Variants in THAP5 observed in about 807,000 individuals in gnomAD.
THAP5 encodes the protein THAP domain-containing protein 5.
In THAP5, 26 loss-of-function variants were observed where a neutral mutation model predicts 34.0. The ratio of observed to expected loss-of-function variants is 0.77; its 90% confidence interval spans 0.56 to 1.06. The LOEUF (loss-of-function observed/expected upper bound fraction) is 1.06. Ranked by LOEUF, THAP5 falls within the 50% of genes least tolerant of loss-of-function variation. The probability of loss-of-function intolerance (pLI) is 0.00; values close to 1 mark genes in which losing one functional copy is unlikely to be tolerated. For missense variants in THAP5, 394 were observed against 452.8 expected, an observed-to-expected ratio of 0.87 and a Z score of 1.18; for synonymous variants, 125 against 153.0, an observed-to-expected ratio of 0.82 and a Z score of 1.35.
Position 108,563,829 on chromosome 7 carries a change from A to C in THAP5, c.*362T>G, listed in dbSNP as rs1356630726. 2 of 163,448 alleles carry C rather than the reference A, an allele frequency of 1.2e-5. No homozygotes were observed. The highest frequency in any genetic ancestry group is 2.6e-5 in the Non-Finnish European group (2 of 75,656). The allele number at this position is 163,448 out of a possible 1,614,324, so 10.1% of individuals were successfully genotyped here. A position where few individuals can be genotyped will look rare whatever the true frequency, so the allele number is the denominator to read the frequency against. On this transcript the variant is annotated 3_prime_UTR_variant, in exon 3 of 3. Coordinates refer to ENST00000415914, the MANE Select transcript of THAP5 (RefSeq NM_001130475.3). Reference sequence around the variant, plus strand: ...TTTTACAAATTAGGGACTGAGGCACAATCATAAGTAACTTGCCCAAGTCAT... The same window carrying C: ...TTTTACAAATTAGGGACTGAGGCACCATCATAAGTAACTTGCCCAAGTCAT...
chr7:108,550,375 G>A (rs1002743089), downstream of THAP5, among the ~76,000 whole-genome samples: 1 of 152,036 alleles, frequency 6.6e-6, no homozygotes, highest in Non-Finnish European at 1.5e-5. Context: ...TTTGCCCATT[G>A]TTCTCAGGAC....
At chr7:108,555,927 T>A (rs1339406133) in intron 1 of THAP5, among the ~76,000 whole-genome samples, 1 of 152,014 alleles carries the variant, frequency 6.6e-6, no homozygotes, top group Non-Finnish European at 1.5e-5. Context: ...GGTCTCGAAC[T>A]CCTGACCTCA....
chr7:108,563,841 C>A lies in THAP5; in HGVS notation c.*350G>T. On this transcript the variant is annotated 3_prime_UTR_variant, in exon 3 of 3. Transcript: ENST00000415914. ...GGGACTGAGGCACAATCATAAGTAA[C>A]TTGCCCAAGTCATATGCCAGTGGTA... 1 of 167,266 alleles carries A rather than the reference C, an allele frequency of 6.0e-6. No homozygotes were observed. The highest frequency in any genetic ancestry group is 6.1e-5 in the Admixed American group (1 of 16,348). 10.4% of individuals were successfully genotyped at this position (167,266 alleles called of 1,614,324 possible). A position where few individuals can be genotyped will look rare whatever the true frequency, so the allele number is the denominator to read the frequency against.
At chr7:108,560,767 G>GTC (rs908282667), downstream of THAP5, among the ~76,000 whole-genome samples, 3 of 152,154 alleles carry the variant, frequency 2.0e-5, no homozygotes, top group African/African-American at 7.2e-5. Flanking sequence ...TTGTGACAGG[G>GTC]TCTCACTCTG....
chr7:108,567,481 A>G (rs571110151), intron 1 of THAP5, among the ~76,000 whole-genome samples: 29 of 152,328 alleles, frequency 1.9e-4, no homozygotes, highest in African/African-American at 6.3e-4. Flanking sequence ...AACTCATTAA[A>G]AAAAACTTTG....
chr7:108,564,962 A>G lies in THAP5; in HGVS notation c.417T>C (p.His139=). 6.4e-7 allele frequency: 1 copy of G among 1,559,098 alleles called. No homozygotes were observed. Among genetic ancestry groups the G allele is most frequent in the South Asian group, 1.2e-5 (1 of 85,616 alleles). ...NIVNTDVPHQ[H]PELLHSSSLV... is the part of the protein sequence containing the mutation. The stretch of plus-strand genomic sequence containing the variant: ...AGGAAGATGAATGAAGTAATTCTGG[A>G]TGTTGATGGGGCACATCTGTGTTAA... The change falls in exon 3 of 3, where the codon CAT becomes CAC. Residue 139 remains histidine, a synonymous_variant. Coordinates refer to ENST00000415914, the MANE Select transcript of THAP5 (RefSeq NM_001130475.3).
chr7:108,564,637 G>A lies in THAP5; in HGVS notation c.742C>T (p.Gln248Ter), dbSNP rs1790443393. The change falls in exon 3 of 3, where the codon CAG becomes TAG. Residue 248 changes from glutamine (Q) to a stop codon, truncating the protein, a stop_gained. Coordinates refer to ENST00000415914, the MANE Select transcript of THAP5 (RefSeq NM_001130475.3). LOFTEE classifies it high-confidence loss of function. ...GTGCTGAATAAGAATGGATTTTCCT[G>A]TGCTGACTTTATTTCCATGGAATTA... ...TSNSMEIKSA[Q>*]ENPFLFSTIN... is the part of the protein sequence containing the mutation. 1 of 1,613,968 alleles carries A rather than the reference G, an allele frequency of 6.2e-7. No individual in the cohort carries two copies. Among genetic ancestry groups the A allele is most frequent in the African/African-American group, 1.3e-5 (1 of 75,042 alleles).
In THAP5 at chr7:108,564,033, ATAAG is replaced by A. The variant is rs1790418981; in HGVS notation, c.*154_*157del. ...AGCCCAACTCTCTGGTTTTTCTTAAATAAGTATTACAAGAATAGGATACAGTTCA... is the reference window on the plus strand; with the variant it reads ...AGCCCAACTCTCTGGTTTTTCTTAAATATTACAAGAATAGGATACAGTTCA... On this transcript the variant is annotated 3_prime_UTR_variant, in exon 3 of 3. Coordinates refer to ENST00000415914, the MANE Select transcript of THAP5 (RefSeq NM_001130475.3). 3.7e-6 allele frequency: 2 copies of A among 545,686 alleles called. No homozygotes were observed. The highest frequency in any genetic ancestry group is 6.0e-6 in the Non-Finnish European group (2 of 332,346). The allele number at this position is 545,686 out of a possible 1,614,324, so 33.8% of individuals were successfully genotyped here. A position where few individuals can be genotyped will look rare whatever the true frequency, so the allele number is the denominator to read the frequency against.
At position 108,562,386 on chromosome 7, in the gene THAP5, C is replaced by T. The variant is rs551130827; in HGVS notation, c.*1805G>A. The T allele has an allele frequency of 2.0e-5, 3 of 152,304 alleles. No individual in the cohort carries two copies. The highest frequency in any genetic ancestry group is 2.0e-4 in the Admixed American group (3 of 15,304). 9.4% of individuals were successfully genotyped at this position (152,304 alleles called of 1,614,324 possible). A position where few individuals can be genotyped will look rare whatever the true frequency, so the allele number is the denominator to read the frequency against. On this transcript the variant is annotated 3_prime_UTR_variant, in exon 3 of 3. Transcript: ENST00000415914. ...CAAAAATTTTAAGTTTTTCCCCCAT[C>T]GTCACCTAAGACATTTCTAATCTTT... is the stretch of plus-strand genomic sequence containing the variant.
intron 1 of THAP5, among the ~76,000 whole-genome samples, chr7:108,567,176 G>C (rs185826694): frequency 1.3e-5 from 2 of 152,150 alleles, no homozygotes; most frequent in East Asian, 3.9e-4. Context: ...AAAAAAATCA[G>C]ATAAACTACC....
At chr7:108,547,731 T>C in the THAP5 span, among the ~76,000 whole-genome samples, 1 of 152,252 alleles carries the variant, frequency 6.6e-6, no homozygotes, top group African/African-American at 2.4e-5. Context: ...TCCTGATTAA[T>C]TAAAATCACA....
chr7:108,566,541 A>C (rs898685246), intron 1 of THAP5, among the ~76,000 whole-genome samples: 1 of 152,344 alleles, frequency 6.6e-6, no homozygotes. Flanking sequence ...GATTTAGCTG[A>C]AAAAGTACTG....
chr7:108,558,647 C>T (rs973793547), downstream of THAP5, among the ~76,000 whole-genome samples: 6 of 151,690 alleles, frequency 4.0e-5, no homozygotes, highest in African/African-American at 9.7e-5. Context: ...CCGCCAGCCT[C>T]GGCCTCCCAA....
rs1474887157 is a variant in THAP5 at position 108,563,043 on chromosome 7, T to G, written c.*1148A>C. ...ACAAACTGTAATTTCTAAAATATAT[T>G]TAAAATTAACCTCATTAAAATTTTT... On this transcript the variant is annotated 3_prime_UTR_variant, in exon 3 of 3. Coordinates refer to ENST00000415914, the MANE Select transcript of THAP5 (RefSeq NM_001130475.3). The G allele has an allele frequency of 6.6e-6, 1 of 152,230 alleles. No homozygotes were observed. Among genetic ancestry groups the G allele is most frequent in the East Asian group, 1.9e-4 (1 of 5,204 alleles). 9.4% of individuals were successfully genotyped at this position (152,230 alleles called of 1,614,324 possible).
At position 108,564,323 on chromosome 7, in the gene THAP5, C is replaced by T. The variant is rs770399930; in HGVS notation, c.1056G>A (p.Glu352=). ...HSKITLLELK[E]QQTLGRLKSL... Reference sequence around the variant, plus strand: ...ACTTCAATCTACCTAGAGTTTGTTGCTCTTTTAACTCTAGAAGAGTTATCT... The same window carrying T: ...ACTTCAATCTACCTAGAGTTTGTTGTTCTTTTAACTCTAGAAGAGTTATCT... Residue 352 remains glutamate (E), a synonymous_variant, in exon 3 of 3, where the codon GAG becomes GAA. Coordinates refer to ENST00000415914, the MANE Select transcript of THAP5 (RefSeq NM_001130475.3). The T allele has an allele frequency of 1.3e-5, 21 of 1,613,730 alleles. No homozygotes were observed. Among genetic ancestry groups the T allele is most frequent in the Non-Finnish European group, 1.8e-5 (21 of 1,179,884 alleles).
In THAP5 at chr7:108,564,757, T is replaced by A; in HGVS notation, c.622A>T (p.Thr208Ser). ...TGAATACTTTCTGAATTTGAAGTTG[T>A]CAAAGTAATAGTTGTAGAATTTAGA... The part of the protein sequence containing the change: ...ENLNSTTITL[T>S]TSNSESIHQS... Residue 208 changes from threonine (T) to serine (S), a missense_variant, in exon 3 of 3, where the codon ACA becomes TCA. Coordinates refer to ENST00000415914, the MANE Select transcript of THAP5 (RefSeq NM_001130475.3). 1 of 1,613,392 alleles carries A rather than the reference T, an allele frequency of 6.2e-7. No homozygotes were observed. Among genetic ancestry groups the A allele is most frequent in the Admixed American group, 1.7e-5 (1 of 59,948 alleles).
chr7:108,549,321 C>T, the THAP5 span, among the ~76,000 whole-genome samples: 1,266 of 152,136 alleles, frequency 8.3e-3, 13 homozygotes, highest in African/African-American at 0.029. Context: ...GGGGTTTCAC[C>T]GTATTGGCCA....
chr7:108,551,211 T>C (rs1052873439), downstream of THAP5, among the ~76,000 whole-genome samples: 16 of 152,298 alleles, frequency 1.1e-4, no homozygotes, highest in African/African-American at 3.6e-4. Flanking sequence ...ATTTGGGCCA[T>C]GCTATGGTCT....
chr7:108,552,804 GA>G (rs34181587), downstream of THAP5, among the ~76,000 whole-genome samples: 2,777 of 151,306 alleles, frequency 0.018, 35 homozygotes, highest in Middle Eastern at 0.031. Flanking sequence ...TGTCTCAGGG[GA>G]AAAAAAAAAA....
Sources: gnomAD v4.1 joint callset for allele counts (sites outside exome capture counted in the v4.1 genomes callset) on GRCh38, gnomAD v4.1.1 for gene constraint, MANE v1.5 for transcripts, NCBI Gene and HGNC (gene_info 2026-07-23, HGNC 2026-07-21) for gene names.